KANK4: variants seen among roughly 807,000 people sequenced by gnomAD.
The protein encoded by KANK4 is KN motif and ankyrin repeat domains 4.
KANK4 carries 50 observed loss-of-function variants against 80.8 expected under a neutral mutation model. That is an observed-to-expected ratio of 0.62 (90% CI 0.49 to 0.78). The LOEUF (loss-of-function observed/expected upper bound fraction) is 0.78, where lower values mean the gene tolerates loss of function less well. Among genes scored for constraint, KANK4 ranks in the 30% least tolerant of loss-of-function variants. The probability of loss-of-function intolerance (pLI) is 0.00; values close to 1 mark genes in which losing one functional copy is unlikely to be tolerated. For synonymous variants in KANK4, 465 were observed against 506.9 expected, an observed-to-expected ratio of 0.92 and a Z score of 1.11; for missense variants, 1,196 against 1,240.1, an observed-to-expected ratio of 0.96 and a Z score of 0.53.
chr1:62,273,383 T>C lies in KANK4; in HGVS notation c.1721A>G (p.Gln574Arg). The change falls in exon 3 of 10, where the codon CAG becomes CGG. Residue 574 changes from glutamine (Q) to arginine (R), a missense_variant. Physicochemically the swap from Gln to Arg is conservative, Grantham distance 43. Transcript: ENST00000371153. ...GTACCCATGCTCCAGGCAGTTCCAC[T>C]GCTCCTGCAGGAGCTCCTGGATCTT... ...VKKIQELLQEQWNCLEHGYPE... is the reference protein window; with the variant it reads ...VKKIQELLQERWNCLEHGYPE... The C allele has an allele frequency of 9.3e-6, 15 of 1,607,282 alleles. No homozygotes were observed. The highest frequency in any genetic ancestry group is 1.3e-5 in the Non-Finnish European group (15 of 1,175,142).
At position 62,281,578 on chromosome 1, in the gene KANK4, A is replaced by T; in HGVS notation, c.-14T>A. 6.2e-7 allele frequency: 1 copy of T among 1,614,162 alleles called. No individual in the cohort carries two copies. The highest frequency in any genetic ancestry group is 8.5e-7 in the Non-Finnish European group (1 of 1,180,016). On this transcript the variant is annotated 5_prime_UTR_variant, in exon 2 of 10. Coordinates refer to ENST00000371153, the MANE Select transcript of KANK4 (RefSeq NM_181712.5). ...TGTCTTCTCCATCTTTGGAGCGCTG[A>T]CCCTCAGTGTCTCAGGCACTCTTCA...
At chr1:62,282,443 C>T (rs1039571509) in intron 1 of KANK4, among the ~76,000 whole-genome samples, 2 of 152,056 alleles carry the variant, frequency 1.3e-5, no homozygotes, top group African/African-American at 4.8e-5. Flanking sequence ...TCTGTGACAC[C>T]GCAGCAGTGG....
chr1:62,251,174 C>A (rs1671607115), intron 8 of KANK4, among the ~76,000 whole-genome samples: 1 of 152,194 alleles, frequency 6.6e-6, no homozygotes, highest in African/African-American at 2.4e-5. Flanking sequence ...GGTGTCCTGT[C>A]CTGCAACGCA....
chr1:62,281,877 C>T (rs956431677), intron 1 of KANK4, among the ~76,000 whole-genome samples: 11 of 152,068 alleles, frequency 7.2e-5, no homozygotes, highest in Non-Finnish European at 1.5e-4. Flanking sequence ...TTTGGTCCAG[C>T]GGTCTTGCTT....
chr1:62,238,756 A>G (rs187731304), intron 9 of KANK4, among the ~76,000 whole-genome samples: 1 of 151,756 alleles, frequency 6.6e-6, no homozygotes, highest in Admixed American at 6.6e-5. Flanking sequence ...CAGCCTCCCA[A>G]GTAGCTGGGA....
chr1:62,299,882 C>T (rs1196860464), intron 1 of KANK4, among the ~76,000 whole-genome samples: 1 of 152,128 alleles, frequency 6.6e-6, no homozygotes, highest in African/African-American at 2.4e-5. Flanking sequence ...GGAATATTTC[C>T]CTTGGAGTGC....
intron 6 of KANK4, among the ~76,000 whole-genome samples, chr1:62,265,360 C>T (rs1226239069): frequency 6.6e-6 from 1 of 152,096 alleles, no homozygotes; most frequent in African/African-American, 2.4e-5. Flanking sequence ...CCCACCTCAG[C>T]CTCTGAGTAG....
chr1:62,263,625 C>T (rs1671948057), intron 6 of KANK4, among the ~76,000 whole-genome samples: 1 of 152,158 alleles, frequency 6.6e-6, no homozygotes, highest in African/African-American at 2.4e-5. Context: ...AAGTTTAGCT[C>T]AAACCCCTGG....
intron 6 of KANK4, among the ~76,000 whole-genome samples, chr1:62,265,021 G>T (rs886185819): frequency 6.6e-6 from 1 of 152,200 alleles, no homozygotes; most frequent in Non-Finnish European, 1.5e-5. Flanking sequence ...AGTAGAGACA[G>T]GGTTTTGCCA....
chr1:62,283,713 A>G (rs1289956639), intron 1 of KANK4, among the ~76,000 whole-genome samples: 1 of 152,194 alleles, frequency 6.6e-6, no homozygotes, highest in African/African-American at 2.4e-5. Context: ...CTCCTACTGC[A>G]GAGGAGGGGG....
intron 1 of KANK4, among the ~76,000 whole-genome samples, chr1:62,288,820 G>A (rs375154022): frequency 3.8e-4 from 58 of 152,260 alleles, no homozygotes; most frequent in African/African-American, 1.3e-3. Flanking sequence ...TTCTTGGTCC[G>A]TGACTTAAAC....
At position 62,253,412 on chromosome 1, in the gene KANK4, T is replaced by TTC. The variant is rs1553127647; in HGVS notation, c.2540-204_2540-203insGA. Among the ~76,000 whole-genome samples the TTC allele has an allele frequency of 4.3e-5, 6 of 140,272 alleles. No homozygotes were observed. In the East Asian group the frequency reaches 1.3e-3, roughly 29 times the overall value. 92.0% of individuals were successfully genotyped at this position (140,272 alleles called of 152,430 possible). ...CTTTTCTTTTTTTTCTTTCTTTCTT[T>TTC]TTTTTTTTTTTTTTTGAGACAGAGT... On this transcript the variant is annotated intron_variant, in intron 7 of 9. Coordinates refer to ENST00000371153, the MANE Select transcript of KANK4 (RefSeq NM_181712.5).
chr1:62,268,006 G>C (rs1036802955), intron 5 of KANK4, among the ~76,000 whole-genome samples: 1 of 152,126 alleles, frequency 6.6e-6, no homozygotes, highest in African/African-American at 2.4e-5. Flanking sequence ...GTTGGAAGTT[G>C]TGTATATAGG....
chr1:62,291,791 G>C (rs1672684781), intron 1 of KANK4, among the ~76,000 whole-genome samples: 2 of 152,156 alleles, frequency 1.3e-5, no homozygotes, highest in Admixed American at 6.5e-5. Context: ...ATTTTTAGTA[G>C]AGATGGGGTT....
At chr1:62,316,822 G>A (rs74078541) in intron 1 of KANK4, among the ~76,000 whole-genome samples, 9,091 of 152,172 alleles carry the variant, frequency 0.06, 943 homozygotes, top group African/African-American at 0.2. Context: ...TAGGTACTTG[G>A]AGAGCCCTGT....
In KANK4 at chr1:62,274,682, T is replaced by C; in HGVS notation, c.422A>G (p.Glu141Gly). 6.2e-7 allele frequency: 1 copy of C among 1,614,192 alleles called. No homozygotes were observed. The highest frequency in any genetic ancestry group is 8.5e-7 in the Non-Finnish European group (1 of 1,180,028). ...CTCGGCATCCTCTGGCTCAGCAGCT[T>C]CCAACTGTCTGGTGGCCTCTGCCAA... ...ALLAEATRQLEAAEPEDAELT... is the reference protein window; with the variant it reads ...ALLAEATRQLGAAEPEDAELT... Residue 141 changes from glutamate to glycine, a missense_variant, in exon 3 of 10, where the codon GAA becomes GGA. By Grantham distance (98) the Glu-to-Gly change is moderately conservative. Around this residue, in one of 3 missense-constraint regions of KANK4, gnomAD observed 1,154 missense variants for 1,179.6 expected, o/e 0.98. Coordinates refer to ENST00000371153, the MANE Select transcript of KANK4 (RefSeq NM_181712.5).
In KANK4 at chr1:62,247,634, G is replaced by A. The variant is rs764941560; in HGVS notation, c.2721C>T (p.Asp907=). The change falls in exon 9 of 10, where the codon GAC becomes GAT. Residue 907 remains aspartate (D), a synonymous_variant. Coordinates refer to ENST00000371153, the MANE Select transcript of KANK4 (RefSeq NM_181712.5). ...QTALMLGVSH[D]REDMVQALLS... ...GCAGCGCTTGAACCATGTCCTCCCTGTCGTGGCTGACTCCCAGCATCAGCG... is the reference window on the plus strand; with the variant it reads ...GCAGCGCTTGAACCATGTCCTCCCTATCGTGGCTGACTCCCAGCATCAGCG... 6.2e-7 allele frequency: 1 copy of A among 1,613,948 alleles called. No homozygotes were observed. Among genetic ancestry groups the A allele is most frequent in the South Asian group, 1.1e-5 (1 of 91,078 alleles).
chr1:62,284,441 C>T (rs1482458975), intron 1 of KANK4, among the ~76,000 whole-genome samples: 1 of 152,254 alleles, frequency 6.6e-6, no homozygotes, highest in East Asian at 1.9e-4. Flanking sequence ...CTCAGCCTCC[C>T]GAGTAGCTGG....
At chr1:62,280,623 T>C (rs2149151254) in intron 2 of KANK4, among the ~76,000 whole-genome samples, 1 of 152,298 alleles carries the variant, frequency 6.6e-6, no homozygotes, top group Non-Finnish European at 1.5e-5. Flanking sequence ...AACATTTCAT[T>C]AGAAGTCAGG....
Sources: allele counts gnomAD v4.1 joint callset (sites outside exome capture counted in the v4.1 genomes callset), GRCh38; gene constraint gnomAD v4.1.1; regional missense constraint gnomAD v4.1.1; transcripts MANE v1.5; gene names NCBI Gene and HGNC (gene_info 2026-07-23, HGNC 2026-07-21).